Variants in WDR64 observed in about 807,000 individuals in gnomAD.
WDR64 encodes WD repeat-containing protein 64.
A neutral mutation model predicts 139.3 loss-of-function variants in WDR64; 112 were observed. The ratio of observed to expected loss-of-function variants is 0.80; its 90% CI spans 0.69 to 0.94. The LOEUF (loss-of-function observed/expected upper bound fraction) is 0.94, where lower values mean the gene tolerates loss of function less well. WDR64 is among the 40% of genes least tolerant of loss of function. WDR64 has a pLI of 0.00. For missense variants in WDR64, 1,206 were observed against 1,293.1 expected, an observed-to-expected ratio of 0.93 and a Z score of 1.03; for synonymous variants, 444 against 437.7, an observed-to-expected ratio of 1.01 and a Z score of -0.18.
chr1:241,744,347 G>T, intron 12 of WDR64, 46 bp from the exon 13 acceptor site: 1 of 1,609,056 alleles, frequency 6.2e-7, no homozygotes, highest in Non-Finnish European at 8.5e-7. Context: ...GAGAATTGAA[G>T]GGCTTCTTCA....
intron 7 of WDR64, among the ~76,000 whole-genome samples, chr1:241,684,647 T>C (rs563426576): frequency 6.6e-6 from 1 of 152,346 alleles, no homozygotes; most frequent in East Asian, 1.9e-4. Context: ...TCCACCTTTC[T>C]GGAAAGAATT....
In WDR64 at chr1:241,723,154, T is replaced by C. The variant is rs983893021; in HGVS notation, c.1055-143T>C. 1.0e-5 allele frequency: 11 copies of C among 1,075,462 alleles called. No homozygotes were observed. In the African/African-American group the frequency reaches 1.8e-4, roughly 17 times the overall value. The allele number at this position is 1,075,462 out of a possible 1,614,324, so 66.6% of individuals were successfully genotyped here. A position where few individuals can be genotyped will look rare whatever the true frequency, so the allele number is the denominator to read the frequency against. ...AAACCAAGGCCAGCCCCTTAGCACA[T>C]CAATCACAGAATAATGCATCCTGCC... On this transcript the variant is annotated intron_variant, in intron 9 of 27. Coordinates refer to ENST00000437684, the MANE Select transcript of WDR64 (RefSeq NM_001367482.1).
At position 241,766,240 on chromosome 1, in the gene WDR64, G is replaced by T. The variant is rs12095445; in HGVS notation, c.1970G>T (p.Arg657Leu). ...CAGAATCCCACCATGGATTTATTAC[G>T]AGTGAACTGCATTGATTTACTACAA... Reference protein sequence around the residue: ...PTDNPTMDLLRVNCIDLLQVE... With the variant: ...PTDNPTMDLLLVNCIDLLQVE... Residue 657 changes from arginine to leucine, a missense_variant, in exon 16 of 28, where the codon CGA (arginine) becomes CTA (leucine). Arg to Leu is a moderately radical substitution (Grantham distance 102). Coordinates refer to ENST00000437684, the MANE Select transcript of WDR64 (RefSeq NM_001367482.1). The T allele has an allele frequency of 6.2e-7, 1 of 1,613,748 alleles. No homozygotes were observed. The highest frequency in any genetic ancestry group is 1.7e-5 in the Admixed American group (1 of 59,998).
At position 241,705,559 on chromosome 1, in the gene WDR64, A is replaced by AAATAAATAATAAT. The variant is rs376010669; in HGVS notation, c.975-6238_975-6237insATAATAATAATAA. 8.2e-3 allele frequency among the ~76,000 whole-genome samples: 1,123 copies of AAATAAATAATAAT among 136,618 alleles called. 6 individuals are homozygous for AAATAAATAATAAT. Among genetic ancestry groups the AAATAAATAATAAT allele is most frequent in the Middle Eastern group, 0.011 (3 of 270 alleles). The allele number at this position is 136,618 out of a possible 152,430, so 89.6% of individuals were successfully genotyped here. A position where few individuals can be genotyped will look rare whatever the true frequency, so the allele number is the denominator to read the frequency against. The stretch of plus-strand genomic sequence containing the variant: ...TCTGTCTCTAAAAAAATAAATAAAT[A>AAATAAATAATAAT]AATAATAATAATAATAATAATAATA... On this transcript the variant is annotated intron_variant, in intron 8 of 27. Coordinates refer to ENST00000437684, the MANE Select transcript of WDR64 (RefSeq NM_001367482.1).
chr1:241,801,697 T>C lies in WDR64; in HGVS notation c.*482T>C. The C allele has an allele frequency of 2.5e-6, 1 of 398,620 alleles. No homozygotes were observed. 24.7% of individuals were successfully genotyped at this position (398,620 alleles called of 1,614,324 possible). The stretch of plus-strand genomic sequence containing the variant: ...GTCTTCTTCATTTAGAGAAATATTA[T>C]CTGGAAGAAAATGTCCTAAGTTTCT... On this transcript the variant is annotated 3_prime_UTR_variant, in exon 28 of 28. Transcript: ENST00000437684.
chr1:241,696,050 GC>G (rs1340588269), intron 8 of WDR64, among the ~76,000 whole-genome samples: 2 of 141,790 alleles, frequency 1.4e-5, no homozygotes, highest in Non-Finnish European at 3.0e-5. Context: ...GGAGGTCGAG[GC>G]TGCAGTGAGT....
rs33934176 is a variant in WDR64 at position 241,653,543 on chromosome 1, C to CTT, written c.145+928_145+929dup. The stretch of plus-strand genomic sequence containing the variant: ...TACCCAAATTCTTTTCTTTTCTTTT[C>CTT]TTTTTTTTTTTTTTTCTGAGACGGA... On this transcript the variant is annotated intron_variant, in intron 1 of 27. Transcript: ENST00000437684. Among the ~76,000 whole-genome samples the CTT allele has an allele frequency of 3.1e-3, 423 of 137,094 alleles. 5 individuals are homozygous for CTT. Among genetic ancestry groups the CTT allele is most frequent in the African/African-American group, 5.6e-3 (209 of 37,514 alleles). 89.9% of individuals were successfully genotyped at this position (137,094 alleles called of 152,430 possible).
intron 2 of WDR64, among the ~76,000 whole-genome samples, chr1:241,662,765 G>A (rs1012706370): frequency 6.6e-6 from 1 of 152,062 alleles, no homozygotes; most frequent in Non-Finnish European, 1.5e-5. Context: ...TTTGAGCAAG[G>A]ATCATATTTA....
chr1:241,656,819 C>T lies in WDR64; in HGVS notation c.146-3711C>T, dbSNP rs916940394. 6.6e-6 allele frequency among the ~76,000 whole-genome samples: 1 copy of T among 151,894 alleles called. No individual in the cohort carries two copies. Among genetic ancestry groups the T allele is most frequent in the Admixed American group, 6.6e-5 (1 of 15,250 alleles). ...CTCTACTCACTAGATGCCAGTAGCA[C>T]ACCTACTCCTAGTTGTGACAGTCAA... On this transcript the variant is annotated intron_variant, in intron 1 of 27. Transcript: ENST00000437684. The surrounding 1 kb of genome is among the most constrained non-coding windows in gnomAD (Gnocchi z 4.3).
At chr1:241,770,938 T>C (rs1658404724) in intron 18 of WDR64, among the ~76,000 whole-genome samples, 1 of 152,190 alleles carries the variant, frequency 6.6e-6, no homozygotes, top group Admixed American at 6.5e-5. Context: ...GAATAATCAA[T>C]ATACAATCAC....
chr1:241,758,850 T>C lies in WDR64; in HGVS notation c.1947+1391T>C, dbSNP rs561090762. ...TCTACTTCTTTTTAGTGGGAAATAG[T>C]ATTTTAAAAAACCACTACCAGTAGG... On this transcript the variant is annotated intron_variant, in intron 15 of 27. Transcript: ENST00000437684. Among the ~76,000 whole-genome samples, 15 of 152,246 alleles carry C rather than the reference T, an allele frequency of 9.9e-5. 1 individual carries two copies. Among genetic ancestry groups the C allele is most frequent in the African/African-American group, 3.4e-4 (14 of 41,556 alleles).
At chr1:241,779,934 A>C in intron 21 of WDR64, 70 bp from the exon 22 acceptor site, 2 of 1,174,788 alleles carry the variant, frequency 1.7e-6, no homozygotes, top group Admixed American at 5.1e-5. Flanking sequence ...AATCAAAATA[A>C]CTTTTGGATA....
chr1:241,658,652 A>G (rs956273740), intron 1 of WDR64, among the ~76,000 whole-genome samples: 1 of 151,770 alleles, frequency 6.6e-6, no homozygotes, highest in Non-Finnish European at 1.5e-5. Context: ...AAAAAAAAAA[A>G]AAAAAAGAAT....
chr1:241,729,242 G>C (rs908389817), intron 10 of WDR64, among the ~76,000 whole-genome samples: 2 of 152,096 alleles, frequency 1.3e-5, no homozygotes, highest in African/African-American at 4.8e-5. Context: ...CATGGCCTTA[G>C]TTCAGACCCA....
Position 241,790,691 on chromosome 1 carries a change from C to T in WDR64, c.2992C>T (p.Pro998Ser). ...CAAGTTTTTCAAGTCTCTTTCTTCT[C>T]CTAAGGTAGCTTAAAAAAAAAAAAA... ...DFKFFKSLSS[P>S]KIRRYPLEGF... The change falls in exon 25 of 28, where the codon CCT becomes TCT. Residue 998 changes from proline to serine, a missense_variant. Pro to Ser is a moderately conservative substitution (Grantham distance 74). Coordinates refer to ENST00000437684, the MANE Select transcript of WDR64 (RefSeq NM_001367482.1). The T allele has an allele frequency of 6.5e-7, 1 of 1,547,856 alleles. No homozygotes were observed. The highest frequency in any genetic ancestry group is 1.2e-5 in the South Asian group (1 of 83,250).
rs1304718166 is a variant in WDR64 at position 241,780,053 on chromosome 1, T to A, written c.2586T>A (p.His862Gln). 6.3e-7 allele frequency: 1 copy of A among 1,587,332 alleles called. No individual in the cohort carries two copies. Among genetic ancestry groups the A allele is most frequent in the South Asian group, 1.2e-5 (1 of 85,810 alleles). The change falls in exon 22 of 28, where the codon CAT (histidine) becomes CAA (glutamine). Residue 862 changes from histidine to glutamine, a missense_variant. Coordinates refer to ENST00000437684, the MANE Select transcript of WDR64 (RefSeq NM_001367482.1). ...TTAGCTCTTTCCTGGATCCACCTCATGATGAAAAGGTAAGAACTTCAGTTT... is the reference window on the plus strand; with the variant it reads ...TTAGCTCTTTCCTGGATCCACCTCAAGATGAAAAGGTAAGAACTTCAGTTT... ...CNISSFLDPP[H>Q]DEKKFKQLLS...
chr1:241,687,421 T>C, intron 7 of WDR64, 40 bp from the exon 8 acceptor site: 2 of 1,609,990 alleles, frequency 1.2e-6, no homozygotes, highest in Non-Finnish European at 1.7e-6. Flanking sequence ...TACGTTTGTG[T>C]GTCTAACATA....
chr1:241,652,981 C>T (rs1665422152), intron 1 of WDR64, among the ~76,000 whole-genome samples: 1 of 152,168 alleles, frequency 6.6e-6, no homozygotes, highest in South Asian at 2.1e-4. Flanking sequence ...TATAGCACTG[C>T]TTTTTCTTAG....
intron 22 of WDR64, among the ~76,000 whole-genome samples, chr1:241,780,935 G>C (rs1278470343): frequency 1.3e-5 from 2 of 152,056 alleles, no homozygotes; most frequent in African/African-American, 4.8e-5. Context: ...AAAACAGCAA[G>C]GTTCAAACAA....
Sources: gnomAD v4.1 joint callset for allele counts (sites outside exome capture counted in the v4.1 genomes callset) on GRCh38, gnomAD v4.1.1 for gene constraint, Gnocchi (gnomAD v3.1) non-coding constraint, MANE v1.5 for transcripts, NCBI Gene and HGNC (gene_info 2026-07-23, HGNC 2026-07-21) for gene names.